The following BCL11B variants were observed in gnomAD, a reference collection of about 807,000 sequenced individuals.
BCL11B encodes the protein BCL11 transcription factor B.
BCL11B carries 8 observed loss-of-function variants against 49.9 expected under a neutral mutation model. That is an observed-to-expected ratio of 0.16 (90% CI 0.09 to 0.29). BCL11B has a LOEUF of 0.29. Among genes scored for constraint, BCL11B ranks in the 10% least tolerant of loss-of-function variants. BCL11B has a pLI of 1.00. For missense variants in BCL11B, 1,006 were observed against 1,351.0 expected (o/e 0.74, Z 4.00); for synonymous variants, 739 against 637.4 (o/e 1.16, Z -2.40).
chr14:99,179,295 G>A (rs1430969997), intron 3 of BCL11B, among the ~76,000 whole-genome samples: 2 of 151,962 alleles, frequency 1.3e-5, no homozygotes, highest in Non-Finnish European at 2.9e-5. Flanking sequence ...CCAACATGAT[G>A]AAACCCCATC....
chr14:99,176,261 C>T (rs1886526288), intron 3 of BCL11B, 66 bp from the exon 4 acceptor site: 3 of 1,474,726 alleles, frequency 2.0e-6, no homozygotes, highest in Non-Finnish European at 2.8e-6. Context: ...GCGGGCACCG[C>T]AGGGCCACTG....
chr14:99,240,939 G>C (rs1888651598), intron 2 of BCL11B, among the ~76,000 whole-genome samples: 1 of 152,160 alleles, frequency 6.6e-6, no homozygotes, highest in Non-Finnish European at 1.5e-5. Flanking sequence ...AGTCCTCAAT[G>C]GAAATATCAT....
intron 3 of BCL11B, among the ~76,000 whole-genome samples, chr14:99,220,113 G>A (rs953729238): frequency 1.8e-4 from 28 of 152,176 alleles, no homozygotes; most frequent in African/African-American, 6.5e-4. Flanking sequence ...ATAAGGATGC[G>A]GAGAAATGAG....
At chr14:99,258,310 T>A (rs1433008210) in intron 1 of BCL11B, among the ~76,000 whole-genome samples, 1 of 152,104 alleles carries the variant, frequency 6.6e-6, no homozygotes, top group Non-Finnish European at 1.5e-5. Flanking sequence ...ATCGGAATAG[T>A]CTTTCAGACT....
chr14:99,252,574 C>T (rs2139941850), intron 2 of BCL11B, among the ~76,000 whole-genome samples: 1 of 152,302 alleles, frequency 6.6e-6, no homozygotes. Flanking sequence ...GAGAATCTCC[C>T]AGGTAGATCC....
rs1889359026 is a variant in BCL11B, at chr14:99,262,315, C to A, written c.59-4476G>T. On this transcript the variant is annotated intron_variant, in intron 1 of 3. Coordinates refer to ENST00000357195, the MANE Select transcript of BCL11B (RefSeq NM_138576.4). The surrounding 1 kb of genome is among the most constrained non-coding windows in gnomAD (Gnocchi z 4.2). The stretch of plus-strand genomic sequence containing the variant: ...CTGCCTGCTGTCCCCAGAGCACAGG[C>A]ATGTGCGTGGCTGCCTGCACACACA... Among the ~76,000 whole-genome samples, 1 of 152,244 alleles carries A rather than the reference C, an allele frequency of 6.6e-6. No homozygotes were observed.
chr14:99,192,452 G>A lies in BCL11B; in HGVS notation c.641-16257C>T, dbSNP rs566820254. On this transcript the variant is annotated intron_variant, in intron 3 of 3. Transcript: ENST00000357195. The surrounding 1 kb of genome is among the most constrained non-coding windows in gnomAD (Gnocchi z 4.0). Reference sequence around the variant, plus strand: ...CTTTCAATCAAGAAACGTGGCTCTCGTTAGAAGGCAGAAAATAAAACAATG... The same window carrying A: ...CTTTCAATCAAGAAACGTGGCTCTCATTAGAAGGCAGAAAATAAAACAATG... Among the ~76,000 whole-genome samples the A allele has an allele frequency of 2.6e-5, 4 of 152,278 alleles. No individual in the cohort carries two copies. Among genetic ancestry groups the A allele is most frequent in the South Asian group, 4.1e-4 (2 of 4,824 alleles).
rs1234040076 is a variant in BCL11B at position 99,173,757 on chromosome 14, T to C, written c.*394A>G. ...CCAAATTATAATTTAAAAGATATGC[T>C]TCCCCTCTAACATTGCTTGCGAGTC... On this transcript the variant is annotated 3_prime_UTR_variant, in exon 4 of 4. Transcript: ENST00000357195. 4.1e-6 allele frequency: 1 copy of C among 246,234 alleles called. No individual in the cohort carries two copies. The highest frequency in any genetic ancestry group is 7.9e-6 in the Non-Finnish European group (1 of 126,498). The allele number at this position is 246,234 out of a possible 1,614,324, so 15.3% of individuals were successfully genotyped here.
intron 1 of BCL11B, among the ~76,000 whole-genome samples, chr14:99,268,011 G>A (rs964634133): frequency 2.6e-5 from 4 of 151,646 alleles, no homozygotes; most frequent in Admixed American, 1.3e-4. Flanking sequence ...TTTCCTCTGC[G>A]TGGTCAGCCG....
chr14:99,250,625 C>CA (rs1054638022), intron 2 of BCL11B, among the ~76,000 whole-genome samples: 6 of 151,924 alleles, frequency 3.9e-5, no homozygotes, highest in Non-Finnish European at 4.4e-5. Context: ...AACAACCACT[C>CA]AAAAAAGCTG....
chr14:99,218,546 A>C (rs1887921205), intron 3 of BCL11B, among the ~76,000 whole-genome samples: 1 of 152,176 alleles, frequency 6.6e-6, no homozygotes, highest in Non-Finnish European at 1.5e-5. Flanking sequence ...ATTCCTGAGA[A>C]AAAAAGGAAC....
chr14:99,182,706 G>T (rs1886743018), intron 3 of BCL11B, among the ~76,000 whole-genome samples: 1 of 152,176 alleles, frequency 6.6e-6, no homozygotes, highest in Non-Finnish European at 1.5e-5. Flanking sequence ...TGCTGAGCCA[G>T]CCTCTGGCTA....
intron 2 of BCL11B, among the ~76,000 whole-genome samples, chr14:99,237,897 T>C (rs1313421891): frequency 4.6e-5 from 7 of 152,142 alleles, no homozygotes; most frequent in Non-Finnish European, 8.8e-5. Flanking sequence ...TAGGCCCTAA[T>C]GGATCCAGAG....
At chr14:99,250,905 G>C (rs2136574) in intron 2 of BCL11B, among the ~76,000 whole-genome samples, 150,160 of 151,910 alleles carry the variant, frequency 0.99, 74,265 homozygotes, top group Non-Finnish European at 1. Flanking sequence ...AGTATTGTCT[G>C]TCTTTTTTTT....
chr14:99,246,415 G>A (rs1418653222), intron 2 of BCL11B, among the ~76,000 whole-genome samples: 1 of 152,240 alleles, frequency 6.6e-6, no homozygotes, highest in Admixed American at 6.5e-5. Context: ...TGGGCGCAAG[G>A]CCGTGGGCGA....
chr14:99,228,256 T>C lies in BCL11B; in HGVS notation c.640+3089A>G, dbSNP rs1888214154. Among the ~76,000 whole-genome samples, 1 of 152,214 alleles carries C rather than the reference T, an allele frequency of 6.6e-6. No individual in the cohort carries two copies. The highest frequency in any genetic ancestry group is 2.4e-5 in the African/African-American group (1 of 41,456). On this transcript the variant is annotated intron_variant, in intron 3 of 3. Transcript: ENST00000357195. The surrounding 1 kb of genome is among the most constrained non-coding windows in gnomAD (Gnocchi z 4.8). Reference sequence around the variant, plus strand: ...TCCTAACGGGTTACTGGGAACTTAATGACTCCATTCCAACTACTAATTAAA... The same window carrying C: ...TCCTAACGGGTTACTGGGAACTTAACGACTCCATTCCAACTACTAATTAAA...
At chr14:99,268,089 C>T (rs1235755165) in intron 1 of BCL11B, among the ~76,000 whole-genome samples, 2 of 152,084 alleles carry the variant, frequency 1.3e-5, no homozygotes, top group African/African-American at 4.8e-5. Flanking sequence ...TTATTAATAG[C>T]TGTGTCTGTC....
At chr14:99,239,931 A>G (rs2139912162) in intron 2 of BCL11B, among the ~76,000 whole-genome samples, 2 of 152,304 alleles carry the variant, frequency 1.3e-5, no homozygotes, top group East Asian at 3.9e-4. Flanking sequence ...AAAAGAACAT[A>G]AAGAAAACGG....
chr14:99,227,084 T>C (rs1218053475), intron 3 of BCL11B, among the ~76,000 whole-genome samples: 1 of 152,212 alleles, frequency 6.6e-6, no homozygotes, highest in Non-Finnish European at 1.5e-5. Context: ...CTGATGACCA[T>C]TTGCAGCTTT....
Sources: allele counts gnomAD v4.1 joint callset (sites outside exome capture counted in the v4.1 genomes callset), GRCh38; gene constraint gnomAD v4.1.1; non-coding constraint Gnocchi (gnomAD v3.1); transcripts MANE v1.5; gene names NCBI Gene and HGNC (gene_info 2026-07-23, HGNC 2026-07-21).